WWP2: variants seen among roughly 807,000 people sequenced by gnomAD.
The protein encoded by WWP2 is WW domain containing E3 ubiquitin protein ligase 2, also known as NEDD4-like E3 ubiquitin-protein ligase WWP2.
Under a neutral mutation model 121.0 loss-of-function variants are expected in WWP2, and 57 were observed. The observed-to-expected ratio is 0.47, with a 90% CI of 0.38 to 0.59. The LOEUF (loss-of-function observed/expected upper bound fraction) is 0.59, where lower values mean the gene tolerates loss of function less well. Among genes scored for constraint, WWP2 ranks in the 20% least tolerant of loss-of-function variants. WWP2 has a pLI of 0.00. For missense variants in WWP2, 962 were observed against 1,158.9 expected (o/e 0.83, Z 2.47); for synonymous variants, 449 against 441.3 (o/e 1.02, Z -0.22).
Position 69,888,106 on chromosome 16 carries a change from T to C in WWP2, c.771T>C (p.Pro257=), listed in dbSNP as rs2057957241. 1 of 1,614,244 alleles carries C rather than the reference T, an allele frequency of 6.2e-7. No individual in the cohort carries two copies. Among genetic ancestry groups the C allele is most frequent in the East Asian group, 2.2e-5 (1 of 44,890 alleles). The change falls in exon 8 of 24, where the codon CCT becomes CCC. Residue 257 remains proline (P), a synonymous_variant. Coordinates refer to ENST00000359154, the MANE Select transcript of WWP2 (RefSeq NM_001270454.2). ...CCGTTGTTGGTGTGACGTCCCCACC[T>C]GCTGCACCCTTGAGTGTGACCCCGA... ...EPSVVGVTSP[P]AAPLSVTPNP...
intron 6 of WWP2, among the ~76,000 whole-genome samples, chr16:69,862,740 C>T (rs940790438): frequency 1.3e-4 from 9 of 70,762 alleles, no homozygotes; most frequent in African/African-American, 4.9e-4. Flanking sequence ...TTTTTGGAAA[C>T]AGGGTCTCTT....
At chr16:69,826,964 G>GT (rs1491108266) in intron 4 of WWP2, among the ~76,000 whole-genome samples, 4 of 15,094 alleles carry the variant, frequency 2.7e-4, no homozygotes, top group African/African-American at 4.4e-4. Flanking sequence ...AGGGGGGGGG[G>GT]CGGAGAGAAT....
chr16:69,909,323 T>G, intron 9 of WWP2: 10 of 987,666 alleles, frequency 1.0e-5, no homozygotes, highest in Non-Finnish European at 1.2e-5. Flanking sequence ...CAAAAGGGGA[T>G]GTATTCTGCT....
At chr16:69,890,184 C>T (rs2058001021) in intron 8 of WWP2, among the ~76,000 whole-genome samples, 1 of 150,770 alleles carries the variant, frequency 6.6e-6, no homozygotes, top group Admixed American at 6.6e-5. Flanking sequence ...GCTTAAGCCA[C>T]TTTCAAAAAC....
At position 69,935,026 on chromosome 16, in the gene WWP2, A is replaced by G. The variant is rs1240294014; in HGVS notation, c.1843-827A>G. ...TCTGTATTTAACTGGAAAGAGGGAC[A>G]CAATGTGAATATGGAAAGGGAGGTC... On this transcript the variant is annotated intron_variant, in intron 17 of 23. Transcript: ENST00000359154. This position sits in a 1 kb window ranked among gnomAD's most constrained non-coding sequence, Gnocchi z 5.2. Among the ~76,000 whole-genome samples the G allele has an allele frequency of 1.3e-5, 2 of 152,206 alleles. No individual in the cohort carries two copies. Among genetic ancestry groups the G allele is most frequent in the Non-Finnish European group, 1.5e-5 (1 of 68,040 alleles).
Position 69,937,380 on chromosome 16 carries a change from C to A in WWP2, c.2238+142C>A. ...AGATGGGTTTGATTTGGGACCCACC[C>A]TTCCCCAGACACTTGTTTCAAGAAA... On this transcript the variant is annotated intron_variant, in intron 20 of 23. Transcript: ENST00000359154. The surrounding 1 kb of genome is among the most constrained non-coding windows in gnomAD (Gnocchi z 6.6). The A allele has an allele frequency of 7.0e-7, 1 of 1,425,866 alleles. No homozygotes were observed. The highest frequency in any genetic ancestry group is 1.4e-5 in the African/African-American group (1 of 70,408). 88.3% of individuals were successfully genotyped at this position (1,425,866 alleles called of 1,614,324 possible). A position where few individuals can be genotyped will look rare whatever the true frequency, so the allele number is the denominator to read the frequency against.
intron 4 of WWP2, among the ~76,000 whole-genome samples, chr16:69,805,439 G>A (rs1331152000): frequency 6.6e-6 from 1 of 152,128 alleles, no homozygotes; most frequent in Non-Finnish European, 1.5e-5. Context: ...AAAACTTTCT[G>A]TTTTAGTGGT....
chr16:69,784,089 T>C (rs2055726724), intron 1 of WWP2, among the ~76,000 whole-genome samples: 1 of 111,832 alleles, frequency 8.9e-6, no homozygotes, highest in African/African-American at 2.8e-5. Context: ...CTTTCTTTCT[T>C]TCTTTTTTTT....
intron 14 of WWP2, 66 bp downstream of exon 14, chr16:69,931,293 G>A (rs545653230): frequency 5.0e-5 from 80 of 1,585,458 alleles, no homozygotes; most frequent in African/African-American, 1.5e-4. Flanking sequence ...GTGAGTTCCC[G>A]GCACAGCAGC....
intron 7 of WWP2, among the ~76,000 whole-genome samples, chr16:69,882,980 C>G (rs2151931761): frequency 6.6e-6 from 1 of 151,998 alleles, no homozygotes; most frequent in South Asian, 2.1e-4. Context: ...TAGTAAAACC[C>G]CATTTCTACT....
intron 10 of WWP2, among the ~76,000 whole-genome samples, chr16:69,921,723 T>C (rs2058564982): frequency 6.6e-6 from 1 of 152,224 alleles, no homozygotes; most frequent in Non-Finnish European, 1.5e-5. Flanking sequence ...TGTGCTGTTG[T>C]GACGGGACTA....
intron 1 of WWP2, among the ~76,000 whole-genome samples, chr16:69,778,201 T>TG (rs2055582448): frequency 6.8e-6 from 1 of 147,202 alleles, no homozygotes; most frequent in South Asian, 2.1e-4. Flanking sequence ...TATTTTTTTT[T>TG]TTTTGAGAAA....
chr16:69,885,102 T>C (rs200810761), intron 7 of WWP2, among the ~76,000 whole-genome samples: 4 of 139,940 alleles, frequency 2.9e-5, no homozygotes, highest in African/African-American at 5.3e-5. Flanking sequence ...AAACTCCTCC[T>C]ACACACACAC....
intron 4 of WWP2, among the ~76,000 whole-genome samples, chr16:69,831,876 T>C (rs1180217984): frequency 6.8e-6 from 1 of 146,340 alleles, no homozygotes; most frequent in African/African-American, 2.6e-5. Context: ...TCACCCAGGC[T>C]GGAGTGCAGT....
At position 69,782,213 on chromosome 16, in the gene WWP2, G is replaced by A. The variant is rs373269270; in HGVS notation, c.-15-4783G>A. On this transcript the variant is annotated intron_variant, in intron 1 of 23. Coordinates refer to ENST00000359154, the MANE Select transcript of WWP2 (RefSeq NM_001270454.2). ...CAGGAGAATCTCTTGAACCCGGGAG[G>A]CAGAGGTTGCAGTGAGCCAAGATAG... 2.4e-4 allele frequency among the ~76,000 whole-genome samples: 37 copies of A among 152,276 alleles called. No homozygotes were observed. In the South Asian group the frequency reaches 5.2e-3, roughly 21 times the overall value.
Position 69,940,012 on chromosome 16 carries a change from C to T in WWP2, c.*72C>T. ...TCCTCCCTGCCTGAGAGGCCACTGGCCCCGCAGCCCTTGGGAGGCCCCCGT... is the reference window on the plus strand; with the variant it reads ...TCCTCCCTGCCTGAGAGGCCACTGGTCCCGCAGCCCTTGGGAGGCCCCCGT... On this transcript the variant is annotated 3_prime_UTR_variant, in exon 24 of 24. Coordinates refer to ENST00000359154, the MANE Select transcript of WWP2 (RefSeq NM_001270454.2). 3 of 1,308,466 alleles carry T rather than the reference C, an allele frequency of 2.3e-6. No individual in the cohort carries two copies. The highest frequency in any genetic ancestry group is 2.4e-5 in the East Asian group (1 of 40,988). 81.1% of individuals were successfully genotyped at this position (1,308,466 alleles called of 1,614,324 possible). A position where few individuals can be genotyped will look rare whatever the true frequency, so the allele number is the denominator to read the frequency against.
At chr16:69,827,986 G>C in intron 4 of WWP2, 1 of 444,142 alleles carries the variant, frequency 2.3e-6, no homozygotes, top group African/African-American at 2.0e-5. Flanking sequence ...ATCCACAGCT[G>C]GTTCCCGAGA....
intron 4 of WWP2, among the ~76,000 whole-genome samples, chr16:69,830,015 C>T (rs1251580231): frequency 1.3e-5 from 2 of 150,160 alleles, no homozygotes; most frequent in African/African-American, 2.5e-5. Flanking sequence ...AATGCAGTGG[C>T]GCGATGTTGG....
chr16:69,868,661 G>GCACACA (rs57674223), intron 6 of WWP2, among the ~76,000 whole-genome samples: 201 of 149,334 alleles, frequency 1.3e-3, no homozygotes, highest in Middle Eastern at 3.4e-3. Flanking sequence ...ATACACATGT[G>GCACACA]CACACACACA....
Sources: gnomAD v4.1 joint callset for allele counts (sites outside exome capture counted in the v4.1 genomes callset) on GRCh38, gnomAD v4.1.1 for gene constraint, Gnocchi (gnomAD v3.1) non-coding constraint, MANE v1.5 for transcripts, NCBI Gene and HGNC (gene_info 2026-07-23, HGNC 2026-07-21) for gene names.